PTPN13: variants seen among roughly 807,000 people sequenced by gnomAD.
PTPN13 encodes the protein protein tyrosine phosphatase non-receptor type 13.
PTPN13 carries 191 observed loss-of-function variants against 284.0 expected under a neutral mutation model. That is an observed-to-expected ratio of 0.67 (90% CI 0.60 to 0.76). The LOEUF (loss-of-function observed/expected upper bound fraction) is 0.76, where lower values mean the gene tolerates loss of function less well. PTPN13 is among the 30% of genes least tolerant of loss of function. PTPN13 has a pLI of 0.00. For synonymous variants in PTPN13, 986 were observed against 1,022.3 expected, an observed-to-expected ratio of 0.96 and a Z score of 0.68; for missense variants, 2,797 against 2,939.9, an observed-to-expected ratio of 0.95 and a Z score of 1.12.
rs560776526 is a variant in PTPN13 at position 86,709,054 on chromosome 4, TACATACACACAC to T, written c.1195+7269_1195+7280del. ...TTGTGTGTATGTAGAGAAAAAGAAA[TACATACACACAC>T]ACATACACACACACACACACAAACA... On this transcript the variant is annotated intron_variant, in intron 7 of 47. Coordinates refer to ENST00000411767, the MANE Select transcript of PTPN13 (RefSeq NM_080683.3). Among the ~76,000 whole-genome samples, 202 of 151,738 alleles carry T rather than the reference TACATACACACAC, an allele frequency of 1.3e-3. 6 individuals are homozygous for T. The East Asian group carries it at 0.019, about 14-fold the overall frequency.
intron 35 of PTPN13, among the ~76,000 whole-genome samples, chr4:86,778,278 C>T (rs1740878068): frequency 6.6e-6 from 1 of 152,158 alleles, no homozygotes; most frequent in South Asian, 2.1e-4. Context: ...TTTTACTGTA[C>T]TTGCAAGCTA....
At chr4:86,601,469 A>C (rs2149157242) in intron 1 of PTPN13, among the ~76,000 whole-genome samples, 1 of 152,244 alleles carries the variant, frequency 6.6e-6, no homozygotes. Context: ...TTAGAGTTAC[A>C]GTGAAAAATT....
intron 1 of PTPN13, among the ~76,000 whole-genome samples, chr4:86,633,284 G>A (rs1213443357): frequency 1.3e-5 from 2 of 152,084 alleles, no homozygotes; most frequent in African/African-American, 4.8e-5. Flanking sequence ...AGTATAGCTG[G>A]CTTCTGATAC....
chr4:86,663,089 T>C (rs1348360092), intron 2 of PTPN13, among the ~76,000 whole-genome samples: 1 of 152,222 alleles, frequency 6.6e-6, no homozygotes, highest in East Asian at 1.9e-4. Flanking sequence ...TGTAGTTTGC[T>C]TTACTTTGGG....
intron 2 of PTPN13, among the ~76,000 whole-genome samples, chr4:86,664,185 T>C (rs186725735): frequency 1.3e-5 from 2 of 152,298 alleles, no homozygotes; most frequent in African/African-American, 2.4e-5. Context: ...ATTTCTTAAT[T>C]ACCTTAAACT....
chr4:86,764,510 TA>T (rs34445013), intron 24 of PTPN13, 82 bp from the exon 25 acceptor site: 916 of 1,073,172 alleles, frequency 8.5e-4, no homozygotes, highest in South Asian at 1.2e-3. Flanking sequence ...GGGCTAGGTT[TA>T]AAAAAAAAGA....
At chr4:86,746,276 T>C (rs1381909275) in intron 17 of PTPN13, among the ~76,000 whole-genome samples, 3 of 152,218 alleles carry the variant, frequency 2.0e-5, no homozygotes, top group African/African-American at 7.2e-5. Context: ...ATTAAAATTA[T>C]ACAAAATCTA....
chr4:86,676,044 T>C (rs1275534081), intron 3 of PTPN13, among the ~76,000 whole-genome samples: 1 of 152,200 alleles, frequency 6.6e-6, no homozygotes, highest in Non-Finnish European at 1.5e-5. Flanking sequence ...AGTAAATCTA[T>C]TTACCCAAGC....
In PTPN13 at chr4:86,807,667, CCA is replaced by C; in HGVS notation, c.6855_6856del (p.Leu2286AlafsTer72). 6.2e-7 allele frequency: 1 copy of C among 1,614,010 alleles called. No homozygotes were observed. Among genetic ancestry groups the C allele is most frequent in the Non-Finnish European group, 8.5e-7 (1 of 1,179,888 alleles). Reference protein sequence around the residue: ...EEFVYIACQGPLPTTVGDFWQ... With the variant: ...EEFVYIACQGXLPTTVGDFWQ... ...GTTCGTTTACATTGCCTGCCAAGGA[CCA>C]CTGCCTACAACTGTTGGAGACTTCT... On this transcript the variant is annotated frameshift_variant, in exon 45 of 48. Coordinates refer to ENST00000411767, the MANE Select transcript of PTPN13 (RefSeq NM_080683.3). LOFTEE classifies it high-confidence loss of function.
chr4:86,771,662 T>C, intron 31 of PTPN13, 127 bp downstream of exon 31: 1 of 1,031,450 alleles, frequency 9.7e-7, no homozygotes, highest in East Asian at 2.6e-5. Context: ...AGGCAGAGGA[T>C]GACTCTATTG....
chr4:86,769,573 T>C (rs1185285349), intron 28 of PTPN13, among the ~76,000 whole-genome samples, 196 bp from the exon 29 acceptor site: 1 of 152,220 alleles, frequency 6.6e-6, no homozygotes, highest in Non-Finnish European at 1.5e-5. Flanking sequence ...AGTTAGTTGA[T>C]AAGATTTCTT....
rs1199343288 is a variant in PTPN13, at chr4:86,679,076, G to A, written c.294+6533G>A. ...GTACTGTATTGGCCTTGTCTGAGCC[G>A]TCTTTATTTCAAGCTCTGTGCTTCA... is the stretch of plus-strand genomic sequence containing the variant. On this transcript the variant is annotated intron_variant, in intron 3 of 47. Coordinates refer to ENST00000411767, the MANE Select transcript of PTPN13 (RefSeq NM_080683.3). 4.6e-5 allele frequency among the ~76,000 whole-genome samples: 7 copies of A among 152,144 alleles called. No individual in the cohort carries two copies. The East Asian group carries it at 5.8e-4, about 13-fold the overall frequency.
chr4:86,686,334 G>A (rs1049893313), intron 3 of PTPN13, among the ~76,000 whole-genome samples: 17 of 151,738 alleles, frequency 1.1e-4, no homozygotes, highest in Non-Finnish European at 1.8e-4. Flanking sequence ...CAGCCTGGGC[G>A]ACAGAGCCAG....
At chr4:86,649,151 A>G (rs1424214111) in intron 2 of PTPN13, among the ~76,000 whole-genome samples, 1 of 151,960 alleles carries the variant, frequency 6.6e-6, no homozygotes, top group Non-Finnish European at 1.5e-5. Flanking sequence ...GTTTACAAAT[A>G]TTTCTCCCAT....
At position 86,758,673 on chromosome 4, in the gene PTPN13, T is replaced by C; in HGVS notation, c.3314-5T>C. On this transcript the variant is annotated splice_polypyrimidine_tract_variant and splice_region_variant and intron_variant, in intron 21 of 47. Transcript: ENST00000411767. The stretch of plus-strand genomic sequence containing the variant: ...AAAATCTTTTTAAAATGTGTTATTT[T>C]ACAGGATTTCAAATTATTGGTGGGG... 6.2e-7 allele frequency: 1 copy of C among 1,605,808 alleles called. No individual in the cohort carries two copies. The highest frequency in any genetic ancestry group is 1.3e-5 in the African/African-American group (1 of 74,842).
chr4:86,644,761 A>T (rs1024830341), intron 2 of PTPN13, among the ~76,000 whole-genome samples: 1 of 152,204 alleles, frequency 6.6e-6, no homozygotes, highest in African/African-American at 2.4e-5. Flanking sequence ...CTCATGATCA[A>T]ATGGATCCTA....
At chr4:86,644,651 G>A (rs1042191705) in intron 2 of PTPN13, among the ~76,000 whole-genome samples, 2 of 152,070 alleles carry the variant, frequency 1.3e-5, no homozygotes, top group Non-Finnish European at 2.9e-5. Context: ...AAATACATTA[G>A]AGAAAAACTA....
chr4:86,657,159 C>T (rs1725934776), intron 2 of PTPN13, among the ~76,000 whole-genome samples: 1 of 152,200 alleles, frequency 6.6e-6, no homozygotes, highest in Admixed American at 6.5e-5. Context: ...AATTCCCCGA[C>T]CCCTTGCACT....
intron 36 of PTPN13, among the ~76,000 whole-genome samples, chr4:86,780,908 G>A (rs1741224867): frequency 2.0e-5 from 3 of 152,192 alleles, no homozygotes; most frequent in Admixed American, 2.0e-4. Flanking sequence ...CACAGTTGTA[G>A]ACAATGCAAA....
Sources: gnomAD v4.1 joint callset for allele counts (sites outside exome capture counted in the v4.1 genomes callset) on GRCh38, gnomAD v4.1.1 for gene constraint, MANE v1.5 for transcripts, NCBI Gene and HGNC (gene_info 2026-07-23, HGNC 2026-07-21) for gene names.